The following GSDME variants were observed in gnomAD, a reference collection of about 807,000 sequenced individuals.
The protein encoded by GSDME is gasdermin-E.
In GSDME, 44 loss-of-function variants were observed where a neutral mutation model predicts 47.5. The observed-to-expected ratio is 0.93, with a 90% confidence interval of 0.73 to 1.19. The LOEUF is 1.19. Ranked by LOEUF, GSDME falls within the 50% of genes most tolerant of loss-of-function variation. GSDME has a pLI of 0.00. For missense variants in GSDME, 663 were observed against 604.2 expected (o/e 1.10, Z -1.02); for synonymous variants, 258 against 252.8 (o/e 1.02, Z -0.20).
Position 24,742,085 on chromosome 7 carries a change from C to A in GSDME, c.404+2477G>T, listed in dbSNP as rs1208359193. ...GACTCCCGAGTCCAAGTGATCTCATCCCTGTGTCCAGGCACCTCCAGGAGA... is the reference window on the plus strand; with the variant it reads ...GACTCCCGAGTCCAAGTGATCTCATACCTGTGTCCAGGCACCTCCAGGAGA... On this transcript the variant is annotated intron_variant, in intron 3 of 9. Transcript: ENST00000645220. This position sits in a 1 kb window ranked among gnomAD's most constrained non-coding sequence, Gnocchi z 4.4. Among the ~76,000 whole-genome samples the A allele has an allele frequency of 2.0e-5, 3 of 152,226 alleles. No homozygotes were observed. Among genetic ancestry groups the A allele is most frequent in the Non-Finnish European group, 4.4e-5 (3 of 68,042 alleles).
chr7:24,699,898 C>CT (rs1159623497), intron 9 of GSDME, among the ~76,000 whole-genome samples: 2 of 152,192 alleles, frequency 1.3e-5, no homozygotes, highest in African/African-American at 4.8e-5. Flanking sequence ...TTTCTTATAT[C>CT]TTTGCATGAA....
At chr7:24,748,478 G>A (rs548377723) in intron 2 of GSDME, among the ~76,000 whole-genome samples, 10 of 152,000 alleles carry the variant, frequency 6.6e-5, no homozygotes, top group African/African-American at 1.7e-4. Context: ...TTTCAGTTTC[G>A]TTATTAAAAA....
upstream of GSDME, chr7:24,758,102 A>C (rs1791101854): frequency 6.6e-6 from 1 of 152,278 alleles, no homozygotes; most frequent in African/African-American, 2.4e-5. This position sits in a 1 kb window ranked among gnomAD's most constrained non-coding sequence, Gnocchi z 4.6. Context: ...TGGTGCTCAA[A>C]CATTGCTTTC....
rs1789779082 is a variant in GSDME at position 24,721,390 on chromosome 7, A to G, written c.405-2172T>C. ...AACCACAAAGCTGCCGAGAGACTCC[A>G]TTTCCAGGAAGGAACAGGAAACAGG... is the stretch of plus-strand genomic sequence containing the variant. On this transcript the variant is annotated intron_variant, in intron 3 of 9. Coordinates refer to ENST00000645220, the MANE Select transcript of GSDME (RefSeq NM_001127453.2). This position sits in a 1 kb window ranked among gnomAD's most constrained non-coding sequence, Gnocchi z 4.1. Among the ~76,000 whole-genome samples, 1 of 152,218 alleles carries G rather than the reference A, an allele frequency of 6.6e-6. No homozygotes were observed. Among genetic ancestry groups the G allele is most frequent in the Non-Finnish European group, 1.5e-5 (1 of 68,030 alleles).
Position 24,728,087 on chromosome 7 carries a change from T to G in GSDME, c.405-8869A>C, listed in dbSNP as rs1246292850. On this transcript the variant is annotated intron_variant, in intron 3 of 9. Transcript: ENST00000645220. This position sits in a 1 kb window ranked among gnomAD's most constrained non-coding sequence, Gnocchi z 7.2. ...GAGTCTTGATTTGTCTCTCGGCCAT[T>G]CTTGGTCACTCCGTTTTTCTTATCA... Among the ~76,000 whole-genome samples the G allele has an allele frequency of 6.6e-6, 1 of 152,192 alleles. No homozygotes were observed. The highest frequency in any genetic ancestry group is 1.5e-5 in the Non-Finnish European group (1 of 68,036).
rs906959919 is a variant in GSDME at position 24,732,079 on chromosome 7, C to A, written c.404+12483G>T. On this transcript the variant is annotated intron_variant, in intron 3 of 9. Coordinates refer to ENST00000645220, the MANE Select transcript of GSDME (RefSeq NM_001127453.2). The surrounding 1 kb of genome is among the most constrained non-coding windows in gnomAD (Gnocchi z 4.8). Reference sequence around the variant, plus strand: ...GTTACACCTGCCCTGGAAGGAGAAACACAGCAAAAAGAGAATCAGCGACAG... The same window carrying A: ...GTTACACCTGCCCTGGAAGGAGAAAAACAGCAAAAAGAGAATCAGCGACAG... Among the ~76,000 whole-genome samples the A allele has an allele frequency of 7.2e-5, 11 of 152,314 alleles. No homozygotes were observed. Among genetic ancestry groups the A allele is most frequent in the African/African-American group, 2.6e-4 (11 of 41,556 alleles).
At chr7:24,734,626 C>T (rs562924520) in intron 3 of GSDME, among the ~76,000 whole-genome samples, 24 of 152,222 alleles carry the variant, frequency 1.6e-4, no homozygotes, top group African/African-American at 5.8e-4. Context: ...AACAAAAATT[C>T]CAGAGTTGAA....
At chr7:24,746,180 T>C (rs1219905805) in intron 2 of GSDME, among the ~76,000 whole-genome samples, 1 of 152,230 alleles carries the variant, frequency 6.6e-6, no homozygotes, top group African/African-American at 2.4e-5. Context: ...GAGAATCATC[T>C]CCTGTACCAC....
intron 4 of GSDME, among the ~76,000 whole-genome samples, chr7:24,717,909 C>T (rs773213468): frequency 2.6e-5 from 4 of 152,164 alleles, no homozygotes; most frequent in Non-Finnish European, 4.4e-5. Flanking sequence ...GCACCAAGCT[C>T]CTGCCTTTAA....
In GSDME at chr7:24,728,394, A is replaced by G. The variant is rs1790039781; in HGVS notation, c.405-9176T>C. Among the ~76,000 whole-genome samples the G allele has an allele frequency of 6.6e-6, 1 of 152,220 alleles. No individual in the cohort carries two copies. Among genetic ancestry groups the G allele is most frequent in the Admixed American group, 6.5e-5 (1 of 15,292 alleles). On this transcript the variant is annotated intron_variant, in intron 3 of 9. Transcript: ENST00000645220. This position sits in a 1 kb window ranked among gnomAD's most constrained non-coding sequence, Gnocchi z 7.2. Reference sequence around the variant, plus strand: ...TCGAGATGTTTTCTTATGTGAGATAATAACAAATGTTCTTTGCAACCAGAC... The same window carrying G: ...TCGAGATGTTTTCTTATGTGAGATAGTAACAAATGTTCTTTGCAACCAGAC...
intron 2 of GSDME, among the ~76,000 whole-genome samples, chr7:24,746,009 T>G (rs925299503): frequency 6.6e-6 from 1 of 152,098 alleles, no homozygotes; most frequent in Admixed American, 6.5e-5. Context: ...CACAGGGGAT[T>G]CAAACCCACC....
rs3038357 is a variant in GSDME at position 24,744,984 on chromosome 7, C to CGTGTGTGTGTGT, written c.212-242_212-231dup. ...GGGCACACAGTGGACCAGTGCAGCA[C>CGTGTGTGTGTGT]GTGTGTGTGTGTGTGTGTGTGTGTG... On this transcript the variant is annotated intron_variant, in intron 2 of 9. Transcript: ENST00000645220. This position sits in a 1 kb window ranked among gnomAD's most constrained non-coding sequence, Gnocchi z 4.5. 4.2e-5 allele frequency among the ~76,000 whole-genome samples: 5 copies of CGTGTGTGTGTGT among 118,998 alleles called. No individual in the cohort carries two copies. The highest frequency in any genetic ancestry group is 8.9e-5 in the Non-Finnish European group (5 of 56,312). The allele number at this position is 118,998 out of a possible 152,430, so 78.1% of individuals were successfully genotyped here. A position where few individuals can be genotyped will look rare whatever the true frequency, so the allele number is the denominator to read the frequency against.
chr7:24,719,302 C>T, intron 3 of GSDME, 84 bp from the exon 4 acceptor site: 1 of 1,428,342 alleles, frequency 7.0e-7, no homozygotes, highest in Non-Finnish European at 9.7e-7. Context: ...CAGCAGGCAG[C>T]TGAGGAGTGA....
At chr7:24,710,624 A>G (rs963233891) in intron 5 of GSDME, 1 of 551,202 alleles carries the variant, frequency 1.8e-6, no homozygotes, top group East Asian at 3.2e-5. Context: ...GCTCCCTAAT[A>G]TATATTCTCT....
rs779556514 is a variant in GSDME at position 24,749,600 on chromosome 7, C to T, written c.175G>A (p.Gly59Ser). ...PKYQFLSLTL[G>S]DVLIEDQFPS... is the part of the protein sequence containing the mutation. The stretch of plus-strand genomic sequence containing the variant: ...AATTGGTCTTCTATGAGTACATCGC[C>T]AAGGGTGAGGGATAAAAACTGGTAC... The change falls in exon 2 of 10, where the codon GGC (glycine) becomes AGC (serine). Residue 59 changes from glycine (G) to serine (S), a missense_variant. Gly to Ser is a moderately conservative substitution (Grantham distance 56). Transcript: ENST00000645220. 1 of 1,613,888 alleles carries T rather than the reference C, an allele frequency of 6.2e-7. No individual in the cohort carries two copies. Among genetic ancestry groups the T allele is most frequent in the Non-Finnish European group, 8.5e-7 (1 of 1,180,002 alleles).
chr7:24,708,998 C>T (rs903901657), intron 6 of GSDME, among the ~76,000 whole-genome samples: 2 of 152,140 alleles, frequency 1.3e-5, no homozygotes, highest in Admixed American at 6.5e-5. Flanking sequence ...ATAAAGGTTT[C>T]GTATGCAGGG....
chr7:24,713,031 AAG>A (rs1789416831), intron 5 of GSDME, among the ~76,000 whole-genome samples: 2 of 152,064 alleles, frequency 1.3e-5, no homozygotes, highest in East Asian at 1.9e-4. Context: ...AAAAAAAAAA[AAG>A]GGAAAAGCAC....
the GSDME span, among the ~76,000 whole-genome samples, chr7:24,794,487 G>T: frequency 6.6e-6 from 1 of 152,058 alleles, no homozygotes; most frequent in African/African-American, 2.4e-5. Flanking sequence ...TAACCACCGT[G>T]GGGGGTCTAA....
chr7:24,758,174 C>T (rs1791103442), upstream of GSDME: 1 of 152,238 alleles, frequency 6.6e-6, no homozygotes, highest in Non-Finnish European at 1.5e-5. This position sits in a 1 kb window ranked among gnomAD's most constrained non-coding sequence, Gnocchi z 4.6. Context: ...AACCGATTAA[C>T]CATTACTTAA....
Sources: gnomAD v4.1 joint callset for allele counts (sites outside exome capture counted in the v4.1 genomes callset) on GRCh38, gnomAD v4.1.1 for gene constraint, Gnocchi (gnomAD v3.1) non-coding constraint, MANE v1.5 for transcripts, NCBI Gene and HGNC (gene_info 2026-07-23, HGNC 2026-07-21) for gene names.